Variants in EPHA7 observed in about 807,000 individuals in gnomAD.
EPHA7 encodes the protein ephrin type-A receptor 7.
EPHA7 carries 25 observed loss-of-function variants against 112.6 expected under a neutral mutation model. The ratio of observed to expected loss-of-function variants is 0.22; its 90% CI spans 0.16 to 0.31. EPHA7 has a LOEUF of 0.31. Ranked by LOEUF, EPHA7 falls within the 10% of genes least tolerant of loss-of-function variation. The pLI is 1.00. For synonymous variants in EPHA7, 437 were observed against 406.5 expected (o/e 1.07, Z -0.90); for missense variants, 962 against 1,212.6 (o/e 0.79, Z 3.07).
chr6:93,355,632 G>A (rs1582583056), intron 5 of EPHA7, among the ~76,000 whole-genome samples: 1 of 152,138 alleles, frequency 6.6e-6, no homozygotes, highest in Non-Finnish European at 1.5e-5. Context: ...AAGAATTTTT[G>A]AAAAGACTGA....
chr6:93,291,995 T>C (rs1268337405), intron 5 of EPHA7, among the ~76,000 whole-genome samples: 10 of 152,024 alleles, frequency 6.6e-5, no homozygotes, highest in South Asian at 2.1e-4. Flanking sequence ...AAAAATATTT[T>C]CAAATCAACA....
At chr6:93,305,241 T>C (rs1773193176) in intron 5 of EPHA7, among the ~76,000 whole-genome samples, 1 of 151,672 alleles carries the variant, frequency 6.6e-6, no homozygotes, top group Admixed American at 6.6e-5. Context: ...GGGAAAGATT[T>C]GATTAAGCAG....
At chr6:93,309,107 C>T (rs1021408284) in intron 5 of EPHA7, among the ~76,000 whole-genome samples, 2 of 152,184 alleles carry the variant, frequency 1.3e-5, no homozygotes, top group South Asian at 4.2e-4. Flanking sequence ...TGTCACCATG[C>T]CCAGCTATTT....
chr6:93,286,925 T>C (rs1375169868), intron 5 of EPHA7, among the ~76,000 whole-genome samples: 1 of 152,182 alleles, frequency 6.6e-6, no homozygotes, highest in African/African-American at 2.4e-5. Flanking sequence ...ATATATAATA[T>C]GTTAACTAGC....
chr6:93,264,455 A>G (rs942262302), intron 8 of EPHA7, 139 bp downstream of exon 8: 6 of 499,892 alleles, frequency 1.2e-5, no homozygotes, highest in African/African-American at 2.0e-5. Flanking sequence ...GGAATGACAC[A>G]TTATTGACCT....
In EPHA7 at chr6:93,411,182, GA is replaced by G; in HGVS notation, c.163-13del. 6.3e-7 allele frequency: 1 copy of G among 1,585,042 alleles called. No homozygotes were observed. ...CTAATTTCTTCCCACTGTAAAATTTGAAAAAAGGTCATCAGTCATTCAGCAA... is the reference window on the plus strand; with the variant it reads ...CTAATTTCTTCCCACTGTAAAATTTGAAAAAGGTCATCAGTCATTCAGCAA... On this transcript the variant is annotated splice_polypyrimidine_tract_variant and intron_variant, in intron 2 of 16. Coordinates refer to ENST00000369303, the MANE Select transcript of EPHA7 (RefSeq NM_004440.4).
intron 5 of EPHA7, among the ~76,000 whole-genome samples, chr6:93,285,825 A>G (rs542149414): frequency 6.6e-6 from 1 of 152,198 alleles, no homozygotes. Context: ...TATAAAGTAG[A>G]TGATGTACTG....
intron 3 of EPHA7, 140 bp from the exon 4 acceptor site, chr6:93,358,551 G>C: frequency 1.4e-6 from 1 of 691,268 alleles, no homozygotes; most frequent in Non-Finnish European, 2.2e-6. Context: ...ATTCATTTTA[G>C]GGTATTTCAC....
chr6:93,381,120 G>A (rs891025547), intron 3 of EPHA7, among the ~76,000 whole-genome samples: 1 of 152,038 alleles, frequency 6.6e-6, no homozygotes, highest in Non-Finnish European at 1.5e-5. Flanking sequence ...AATGTTATCA[G>A]TTATCGGGTA....
At chr6:93,301,430 A>G (rs1582478227) in intron 5 of EPHA7, among the ~76,000 whole-genome samples, 1 of 152,198 alleles carries the variant, frequency 6.6e-6, no homozygotes, top group African/African-American at 2.4e-5. Context: ...CTGCTGTAAA[A>G]AACTGATCTT....
At chr6:93,264,785 C>T in intron 7 of EPHA7, 83 bp from the exon 8 acceptor site, 1 of 624,066 alleles carries the variant, frequency 1.6e-6, no homozygotes, top group Non-Finnish European at 2.6e-6. Flanking sequence ...GTTATCTTTT[C>T]TATTTAATTC....
At chr6:93,366,712 T>A (rs904593960) in intron 3 of EPHA7, among the ~76,000 whole-genome samples, 2 of 152,180 alleles carry the variant, frequency 1.3e-5, no homozygotes, top group Non-Finnish European at 2.9e-5. Flanking sequence ...CCTCTCGCTT[T>A]CACCGTGCCA....
At chr6:93,383,616 A>G (rs922640220) in intron 3 of EPHA7, among the ~76,000 whole-genome samples, 1 of 152,204 alleles carries the variant, frequency 6.6e-6, no homozygotes, top group African/African-American at 2.4e-5. Context: ...AAATGTAAAA[A>G]TAAAATATTC....
intron 3 of EPHA7, among the ~76,000 whole-genome samples, chr6:93,393,855 G>C (rs1304741386): frequency 6.6e-6 from 1 of 151,614 alleles, no homozygotes; most frequent in Non-Finnish European, 1.5e-5. Flanking sequence ...GAAACTCTTT[G>C]AATGAGGTTT....
At chr6:93,376,470 G>C (rs1777063745) in intron 3 of EPHA7, among the ~76,000 whole-genome samples, 1 of 152,058 alleles carries the variant, frequency 6.6e-6, no homozygotes, top group Admixed American at 6.6e-5. Flanking sequence ...AGCACTGAAA[G>C]TCTGCCACCA....
At chr6:93,394,975 T>G (rs1778096081) in intron 3 of EPHA7, among the ~76,000 whole-genome samples, 1 of 151,908 alleles carries the variant, frequency 6.6e-6, no homozygotes, top group Non-Finnish European at 1.5e-5. Flanking sequence ...TTAATATTTT[T>G]TATGTACAGC....
intron 16 of EPHA7, among the ~76,000 whole-genome samples, chr6:93,244,370 A>T (rs1217895017): frequency 6.6e-6 from 1 of 152,134 alleles, no homozygotes; most frequent in Admixed American, 6.6e-5. Flanking sequence ...TGTACGTGAC[A>T]TTTCCTGGCA....
At chr6:93,403,766 A>G (rs1369837891) in intron 3 of EPHA7, among the ~76,000 whole-genome samples, 1 of 152,100 alleles carries the variant, frequency 6.6e-6, no homozygotes, top group Non-Finnish European at 1.5e-5. Flanking sequence ...GGGAGACCAT[A>G]AGAAAATATA....
chr6:93,254,112 ATATTCT>A (rs922804852), intron 14 of EPHA7, among the ~76,000 whole-genome samples: 7 of 152,114 alleles, frequency 4.6e-5, no homozygotes, highest in Non-Finnish European at 4.4e-5. Context: ...ATTTCCAAAG[ATATTCT>A]TATTGTGATT....
Sources: allele counts gnomAD v4.1 joint callset (sites outside exome capture counted in the v4.1 genomes callset), GRCh38; gene constraint gnomAD v4.1.1; transcripts MANE v1.5; gene names NCBI Gene and HGNC (gene_info 2026-07-23, HGNC 2026-07-21).